CSMD3: variants seen among roughly 807,000 people sequenced by gnomAD.
CSMD3 encodes the protein CUB and sushi domain-containing protein 3.
A neutral mutation model predicts 435.2 loss-of-function variants in CSMD3; 177 were observed. The observed-to-expected ratio is 0.41, with a 90% CI of 0.36 to 0.46. The LOEUF (loss-of-function observed/expected upper bound fraction) is 0.46. CSMD3 is among the 20% of genes least tolerant of loss of function. The pLI, the probability that CSMD3 is intolerant of heterozygous loss-of-function variation, is 0.34. For synonymous variants in CSMD3, 1,656 were observed against 1,520.5 expected (o/e 1.09, Z -2.07); for missense variants, 4,265 against 4,504.6 (o/e 0.95, Z 1.52).
chr8:112,967,367 C>G (rs1278801608), intron 7 of CSMD3, among the ~76,000 whole-genome samples: 2 of 151,824 alleles, frequency 1.3e-5, no homozygotes. Flanking sequence ...GGCCTAAAAG[C>G]CAAATGGTGT....
chr8:112,273,769 T>C (rs1031700175), intron 59 of CSMD3, among the ~76,000 whole-genome samples: 4 of 150,704 alleles, frequency 2.7e-5, no homozygotes, highest in Non-Finnish European at 5.9e-5. Flanking sequence ...AAATCATGTA[T>C]ACTGATAACT....
At chr8:112,645,469 C>A (rs896721146) in intron 19 of CSMD3, among the ~76,000 whole-genome samples, 3 of 152,148 alleles carry the variant, frequency 2.0e-5, no homozygotes, top group Non-Finnish European at 4.4e-5. Context: ...TGTGCTAATA[C>A]ATTTCTAATT....
chr8:112,721,602 T>C (rs2076860049), intron 13 of CSMD3, among the ~76,000 whole-genome samples: 1 of 152,112 alleles, frequency 6.6e-6, no homozygotes, highest in South Asian at 2.1e-4. Context: ...ATGATAACAA[T>C]TTCACAAGCT....
intron 10 of CSMD3, among the ~76,000 whole-genome samples, chr8:112,888,976 A>G (rs1242753851): frequency 6.6e-6 from 1 of 151,694 alleles, no homozygotes; most frequent in East Asian, 2.0e-4. Flanking sequence ...TAATATTAAG[A>G]CAACCAATTA....
intron 7 of CSMD3, among the ~76,000 whole-genome samples, chr8:112,966,838 T>C (rs2084435102): frequency 6.6e-6 from 1 of 151,900 alleles, no homozygotes. Flanking sequence ...CTCATAAATT[T>C]CCCACCATTT....
At chr8:113,286,169 C>T (rs1349089493) in intron 2 of CSMD3, among the ~76,000 whole-genome samples, 1 of 151,896 alleles carries the variant, frequency 6.6e-6, no homozygotes, top group Non-Finnish European at 1.5e-5. Context: ...GCTTTTGTTC[C>T]CTGTTTGAAA....
At position 112,403,995 on chromosome 8, in the gene CSMD3, C is replaced by T. The variant is rs180998317; in HGVS notation, c.5809+2529G>A. ...ATAGTTCAGATTCCATCTATTGTCA[C>T]GGAAAAAATAAAATATTTGTTTTAA... On this transcript the variant is annotated intron_variant, in intron 35 of 70. Transcript: ENST00000297405. Among the ~76,000 whole-genome samples, 944 of 151,794 alleles carry T rather than the reference C, an allele frequency of 6.2e-3. 7 individuals are homozygous for T. The highest frequency in any genetic ancestry group is 0.022 in the South Asian group (106 of 4,810).
intron 57 of CSMD3, among the ~76,000 whole-genome samples, chr8:112,288,050 G>GAGAGAA (rs1478113276): frequency 2.8e-3 from 419 of 151,890 alleles, no homozygotes; most frequent in African/African-American, 9.6e-3. Context: ...GAGAGAGAGA[G>GAGAGAA]AAGGGTTGAA....
intron 27 of CSMD3, among the ~76,000 whole-genome samples, chr8:112,533,956 G>T (rs1291667043): frequency 1.3e-5 from 2 of 151,914 alleles, no homozygotes; most frequent in Admixed American, 6.6e-5. Context: ...AAAGACAAAA[G>T]AAACATTAGA....
At chr8:112,423,223 G>T (rs983234998) in intron 32 of CSMD3, among the ~76,000 whole-genome samples, 1 of 151,876 alleles carries the variant, frequency 6.6e-6, no homozygotes, top group Non-Finnish European at 1.5e-5. Flanking sequence ...ATGCTAACCT[G>T]GGAAGGTGAA....
intron 46 of CSMD3, 33 bp downstream of exon 46, chr8:112,319,868 A>G: frequency 1.4e-6 from 2 of 1,454,504 alleles, no homozygotes; most frequent in Non-Finnish European, 9.7e-7. Context: ...TGCCAGCAGT[A>G]TGTTTTCCTT....
intron 3 of CSMD3, among the ~76,000 whole-genome samples, chr8:113,223,242 G>A (rs2092990339): frequency 6.7e-6 from 1 of 150,326 alleles, no homozygotes; most frequent in African/African-American, 2.4e-5. Flanking sequence ...TTTAAAGCAA[G>A]TCAGATTTTA....
intron 38 of CSMD3, among the ~76,000 whole-genome samples, chr8:112,370,729 TA>T (rs1243834828): frequency 2.4e-5 from 3 of 123,588 alleles, no homozygotes; most frequent in Admixed American, 1.7e-4. Flanking sequence ...ACTCTCCATC[TA>T]TTTTTTTCTA....
intron 11 of CSMD3, among the ~76,000 whole-genome samples, chr8:112,832,256 A>ATAACCTAT (rs568645612): frequency 6.6e-6 from 1 of 152,180 alleles, no homozygotes; most frequent in Non-Finnish European, 1.5e-5. Context: ...CTCGGTGTAG[A>ATAACCTAT]TAACCTATAT....
chr8:113,248,522 A>T (rs1041719191), intron 3 of CSMD3, among the ~76,000 whole-genome samples: 3 of 122,230 alleles, frequency 2.5e-5, no homozygotes, highest in Non-Finnish European at 5.0e-5. Flanking sequence ...TCCATATTAT[A>T]TATATATGTA....
chr8:113,026,812 C>T (rs2086893519), intron 5 of CSMD3, among the ~76,000 whole-genome samples: 1 of 152,108 alleles, frequency 6.6e-6, no homozygotes, highest in Non-Finnish European at 1.5e-5. Context: ...TCTTCTTCAA[C>T]TCCCCTGGCT....
At chr8:113,290,794 T>G (rs2093681042) in intron 2 of CSMD3, among the ~76,000 whole-genome samples, 1 of 151,608 alleles carries the variant, frequency 6.6e-6, no homozygotes, top group Admixed American at 6.6e-5. Context: ...TCTTGTCACA[T>G]GAAAAGCCAT....
chr8:113,424,185 G>T (rs78697943), intron 1 of CSMD3, among the ~76,000 whole-genome samples: 1 of 151,570 alleles, frequency 6.6e-6, no homozygotes, highest in Non-Finnish European at 1.5e-5. Flanking sequence ...TGTGAAATAC[G>T]TGATGATATT....
At chr8:112,718,659 A>G (rs1343939527) in intron 13 of CSMD3, among the ~76,000 whole-genome samples, 1 of 152,030 alleles carries the variant, frequency 6.6e-6, no homozygotes, top group African/African-American at 2.4e-5. Context: ...ATTCCTATTT[A>G]TCTTTTAGGA....
Sources: allele counts gnomAD v4.1 joint callset (sites outside exome capture counted in the v4.1 genomes callset), GRCh38; gene constraint gnomAD v4.1.1; transcripts MANE v1.5; gene names NCBI Gene and HGNC (gene_info 2026-07-23, HGNC 2026-07-21).